FBXO11: variants seen among roughly 807,000 people sequenced by gnomAD.
FBXO11 encodes F-box protein 11.
A neutral mutation model predicts 117.0 loss-of-function variants in FBXO11; 13 were observed. The observed-to-expected ratio is 0.11, with a 90% CI of 0.07 to 0.18. The LOEUF (loss-of-function observed/expected upper bound fraction) is 0.18. Ranked by LOEUF, FBXO11 falls within the 10% of genes least tolerant of loss-of-function variation. The pLI is 1.00. For synonymous variants in FBXO11, 490 were observed against 380.5 expected, an observed-to-expected ratio of 1.29 and a Z score of -3.35; for missense variants, 767 against 1,164.4, an observed-to-expected ratio of 0.66 and a Z score of 4.97.
In FBXO11 at chr2:47,807,168, C is replaced by T. The variant is rs953324448; in HGVS notation, c.*950G>A. 27 of 287,398 alleles carry T rather than the reference C, an allele frequency of 9.4e-5. No homozygotes were observed. The highest frequency in any genetic ancestry group is 1.1e-3 in the Middle Eastern group (1 of 952). 17.8% of individuals were successfully genotyped at this position (287,398 alleles called of 1,614,324 possible). Reference sequence around the variant, plus strand: ...AGGGCTGTATATATACTTGTCTCAGCTTAATGCAGGAAATTGGTTTAATTT... The same window carrying T: ...AGGGCTGTATATATACTTGTCTCAGTTTAATGCAGGAAATTGGTTTAATTT... On this transcript the variant is annotated 3_prime_UTR_variant, in exon 23 of 23. Coordinates refer to ENST00000403359, the MANE Select transcript of FBXO11 (RefSeq NM_001190274.2).
chr2:47,885,533 C>A (rs2103939011), intron 1 of FBXO11, among the ~76,000 whole-genome samples: 1 of 151,992 alleles, frequency 6.6e-6, no homozygotes, highest in South Asian at 2.1e-4. Context: ...CGAGCTCACA[C>A]CACTGCACTC....
intron 14 of FBXO11, among the ~76,000 whole-genome samples, chr2:47,819,834 T>G (rs1207346981): frequency 6.6e-6 from 1 of 152,234 alleles, no homozygotes; most frequent in African/African-American, 2.4e-5. Context: ...TTAAAAGTAA[T>G]GCCTTGCATA....
intron 7 of FBXO11, among the ~76,000 whole-genome samples, chr2:47,834,140 A>G (rs1672380544): frequency 6.6e-6 from 1 of 152,202 alleles, no homozygotes; most frequent in Non-Finnish European, 1.5e-5. Flanking sequence ...ACTTGAGGCC[A>G]GGAGTTTGAG....
At chr2:47,886,724 C>A (rs988575610) in intron 1 of FBXO11, among the ~76,000 whole-genome samples, 3 of 151,626 alleles carry the variant, frequency 2.0e-5, no homozygotes, top group African/African-American at 4.9e-5. Context: ...AGAAAAATGC[C>A]CAGGATATCT....
intron 1 of FBXO11, among the ~76,000 whole-genome samples, chr2:47,887,884 G>C (rs1410400321): frequency 5.9e-5 from 9 of 152,000 alleles, no homozygotes. Context: ...GGCTTGGAGG[G>C]ACACACCTGT....
chr2:47,870,297 G>C (rs551591061), intron 1 of FBXO11, among the ~76,000 whole-genome samples: 2 of 152,238 alleles, frequency 1.3e-5, no homozygotes, highest in East Asian at 3.9e-4. Context: ...TAAATCTAAA[G>C]AGTTGCTTCT....
At chr2:47,881,393 T>C (rs1676421347) in intron 1 of FBXO11, among the ~76,000 whole-genome samples, 1 of 152,208 alleles carries the variant, frequency 6.6e-6, no homozygotes, top group Non-Finnish European at 1.5e-5. Context: ...GGAAGGTTTA[T>C]AGCTTTGTTC....
chr2:47,862,271 A>G (rs893747914), intron 1 of FBXO11, among the ~76,000 whole-genome samples: 35 of 152,274 alleles, frequency 2.3e-4, no homozygotes, highest in African/African-American at 8.4e-4. Context: ...AGTTACATCC[A>G]AAAGCATCTT....
chr2:47,875,815 G>GT (rs1180607952), intron 1 of FBXO11, among the ~76,000 whole-genome samples: 2 of 152,070 alleles, frequency 1.3e-5, no homozygotes, highest in Non-Finnish European at 2.9e-5. Context: ...TATACCAAGG[G>GT]TTTAGCCTTC....
chr2:47,821,641 C>T (rs368870924), intron 13 of FBXO11, among the ~76,000 whole-genome samples: 39 of 151,516 alleles, frequency 2.6e-4, no homozygotes, highest in African/African-American at 8.5e-4. Flanking sequence ...AAAATTGAGC[C>T]GGGCATGGTA....
intron 1 of FBXO11, among the ~76,000 whole-genome samples, chr2:47,843,640 C>A (rs1218229236): frequency 6.6e-6 from 1 of 152,074 alleles, no homozygotes; most frequent in Non-Finnish European, 1.5e-5. Context: ...TTTGGTCTAT[C>A]AGCTTTCTGT....
intron 1 of FBXO11, among the ~76,000 whole-genome samples, chr2:47,885,558 T>A (rs765666228): frequency 6.6e-6 from 1 of 150,960 alleles, no homozygotes; most frequent in Non-Finnish European, 1.5e-5. Flanking sequence ...CTGGGCAACA[T>A]AGGGAGACTC....
At chr2:47,822,172 A>C (rs368215804) in intron 13 of FBXO11, 46 bp downstream of exon 13, 3 of 1,247,086 alleles carry the variant, frequency 2.4e-6, no homozygotes, top group South Asian at 1.3e-5. Flanking sequence ...AATATCAAGA[A>C]GACATACAAA....
intron 1 of FBXO11, among the ~76,000 whole-genome samples, chr2:47,858,109 T>G (rs1475362441): frequency 6.6e-6 from 1 of 152,104 alleles, no homozygotes; most frequent in African/African-American, 2.4e-5. Context: ...ATCCAAGTTT[T>G]ATTTTTATTT....
chr2:47,831,133 T>C (rs1348133808), intron 11 of FBXO11, among the ~76,000 whole-genome samples: 1 of 151,170 alleles, frequency 6.6e-6, no homozygotes, highest in Non-Finnish European at 1.5e-5. Context: ...GAGCTCTGCC[T>C]TGGCCAGGCG....
At chr2:47,854,979 CTCCT>C (rs1454417300) in intron 1 of FBXO11, among the ~76,000 whole-genome samples, 10 of 151,108 alleles carry the variant, frequency 6.6e-5, no homozygotes, top group African/African-American at 2.4e-4. Flanking sequence ...ATAAAAAAGA[CTCCT>C]TCAATATCAG....
chr2:47,832,053 G>C (rs1014460010), intron 11 of FBXO11, among the ~76,000 whole-genome samples: 1 of 152,098 alleles, frequency 6.6e-6, no homozygotes, highest in Non-Finnish European at 1.5e-5. Context: ...AAAACAGAAA[G>C]CTTTTGGGTG....
At chr2:47,870,369 A>G (rs921520589) in intron 1 of FBXO11, among the ~76,000 whole-genome samples, 1 of 152,162 alleles carries the variant, frequency 6.6e-6, no homozygotes, top group African/African-American at 2.4e-5. Flanking sequence ...ATTATGTCCT[A>G]ATCCCTGATA....
rs1678720648 is a variant in FBXO11, at chr2:47,905,518, G to A, written c.203C>T (p.Pro68Leu). 6 of 1,234,334 alleles carry A rather than the reference G, an allele frequency of 4.9e-6. No individual in the cohort carries two copies. The highest frequency in any genetic ancestry group is 7.3e-5 in the South Asian group (2 of 27,552). 76.5% of individuals were successfully genotyped at this position (1,234,334 alleles called of 1,614,324 possible). The change falls in exon 1 of 23, where the codon CCT becomes CTT. Residue 68 changes from proline (P) to leucine (L), a missense_variant. Physicochemically the swap from Pro to Leu is moderately conservative, Grantham distance 98. This residue lies in a region of FBXO11 where 355 missense variants were observed against 299.8 expected (regional missense o/e 1.18). Transcript: ENST00000403359. Reference protein sequence around the residue: ...PPPPPPPPPLPQERNNVGERD... With the variant: ...PPPPPPPPPLLQERNNVGERD... ...CTCGCCGACGTTGTTCCGCTCCTGA[G>A]GCAGCGGCGGAGGCGGCGGTGGCGG...
Sources: allele counts gnomAD v4.1 joint callset (sites outside exome capture counted in the v4.1 genomes callset), GRCh38; gene constraint gnomAD v4.1.1; regional missense constraint gnomAD v4.1.1; transcripts MANE v1.5; gene names NCBI Gene and HGNC (gene_info 2026-07-23, HGNC 2026-07-21).